Variants in SEPTIN11 observed in about 807,000 individuals in gnomAD.
SEPTIN11 encodes septin 11.
Under a neutral mutation model 51.4 loss-of-function variants are expected in SEPTIN11, and 25 were observed. That is an observed-to-expected ratio of 0.49 (90% CI 0.35 to 0.68). The LOEUF is 0.68. SEPTIN11 is among the 30% of genes least tolerant of loss of function. SEPTIN11 has a pLI of 0.00. For synonymous variants in SEPTIN11, 174 were observed against 184.1 expected, an observed-to-expected ratio of 0.95 and a Z score of 0.44; for missense variants, 381 against 520.8, an observed-to-expected ratio of 0.73 and a Z score of 2.61.
chr4:76,956,094 A>G (rs1721545982), intron 1 of SEPTIN11, among the ~76,000 whole-genome samples: 1 of 152,208 alleles, frequency 6.6e-6, no homozygotes, highest in Non-Finnish European at 1.5e-5. Context: ...CATCTCTTTG[A>G]GTACTGTCTT....
chr4:76,977,330 A>G (rs959119876), intron 1 of SEPTIN11, among the ~76,000 whole-genome samples: 1 of 152,212 alleles, frequency 6.6e-6, no homozygotes, highest in Non-Finnish European at 1.5e-5. Context: ...TGTTGCTGCC[A>G]TGGTGGCTAG....
chr4:77,031,908 G>C, intron 9 of SEPTIN11: 1 of 152,090 alleles, frequency 6.6e-6, no homozygotes, highest in East Asian at 1.9e-4. Flanking sequence ...TTGCTCTTTC[G>C]CCTTACATGC....
chr4:76,985,808 A>G (rs888422075), intron 1 of SEPTIN11, among the ~76,000 whole-genome samples: 7 of 152,182 alleles, frequency 4.6e-5, no homozygotes, highest in Non-Finnish European at 7.3e-5. Flanking sequence ...CTTATCTGAA[A>G]ATGAGAAGGT....
intron 7 of SEPTIN11, chr4:77,021,414 G>T: frequency 6.5e-6 from 1 of 152,832 alleles, no homozygotes; most frequent in Non-Finnish European, 1.5e-5. Flanking sequence ...TGCCAGGCCA[G>T]GTTCACCACC....
intron 1 of SEPTIN11, among the ~76,000 whole-genome samples, chr4:76,977,206 AC>A (rs1722542166): frequency 6.6e-6 from 1 of 150,788 alleles, no homozygotes. Flanking sequence ...TGTTACACTT[AC>A]AAAAATATTA....
Position 77,005,650 on chromosome 4 carries a change from CA to C in SEPTIN11, c.195del (p.Lys65AsnfsTer16). The C allele has an allele frequency of 2.5e-6, 4 of 1,613,942 alleles. No individual in the cohort carries two copies. The highest frequency in any genetic ancestry group is 3.4e-6 in the Non-Finnish European group (4 of 1,179,912). On this transcript the variant is annotated frameshift_variant, in exon 3 of 10. Transcript: ENST00000264893. LOFTEE classifies it high-confidence loss of function. ...STLMDTLFNT[K>X]FESDPATHNE... is the part of the protein sequence containing the mutation. ...CGTTAATGGACACTTTGTTCAACAC[CA>C]AATTTGAAAGTGACCCAGCTACTCA...
intron 1 of SEPTIN11, among the ~76,000 whole-genome samples, chr4:76,957,895 T>A (rs999494729): frequency 6.6e-6 from 1 of 152,188 alleles, no homozygotes; most frequent in Admixed American, 6.5e-5. Context: ...TTTCCTTAAG[T>A]TACCTTTTTT....
chr4:76,960,596 C>G (rs1475713608), intron 1 of SEPTIN11, among the ~76,000 whole-genome samples: 1 of 152,160 alleles, frequency 6.6e-6, no homozygotes, highest in Non-Finnish European at 1.5e-5. Flanking sequence ...GATGAAGACT[C>G]TCATTGACTT....
At chr4:77,001,376 C>T (rs1453628123) in intron 2 of SEPTIN11, among the ~76,000 whole-genome samples, 2 of 149,422 alleles carry the variant, frequency 1.3e-5, no homozygotes, top group Non-Finnish European at 3.0e-5. Flanking sequence ...AAGATGGAGT[C>T]TCTCACTCTG....
At chr4:76,995,800 C>G in intron 1 of SEPTIN11, 1 of 1,529,108 alleles carries the variant, frequency 6.5e-7, no homozygotes, top group South Asian at 1.2e-5. Flanking sequence ...GTAAACTCTG[C>G]AAAACTCCAG....
Position 77,012,870 on chromosome 4 carries a change from C to T in SEPTIN11, c.525+949C>T, listed in dbSNP as rs114135303. 7.4e-3 allele frequency among the ~76,000 whole-genome samples: 1,133 copies of T among 152,316 alleles called. 10 individuals carry two copies. The highest frequency in any genetic ancestry group is 0.026 in the African/African-American group (1,069 of 41,562). Reference sequence around the variant, plus strand: ...ACACAGTAGTTTACAGAAAAATCTTCTAATGGCCTGGAAGGATCACTGCAG... The same window carrying T: ...ACACAGTAGTTTACAGAAAAATCTTTTAATGGCCTGGAAGGATCACTGCAG... On this transcript the variant is annotated intron_variant, in intron 4 of 9. Coordinates refer to ENST00000264893, the MANE Select transcript of SEPTIN11 (RefSeq NM_018243.4).
intron 1 of SEPTIN11, chr4:76,995,917 T>G (rs1723683932): frequency 6.5e-7 from 1 of 1,535,480 alleles, no homozygotes; most frequent in South Asian, 1.2e-5. Context: ...TGCTGAGAAG[T>G]TTTAAATATG....
At chr4:77,019,385 T>G (rs1484033435) in intron 6 of SEPTIN11, 124 bp downstream of exon 6, 8 of 681,486 alleles carry the variant, frequency 1.2e-5, no homozygotes, top group Non-Finnish European at 1.9e-5. Flanking sequence ...GAGGGAGTGG[T>G]GGGGCTCCAC....
chr4:77,023,296 ACACAC>A (rs1725864549), intron 7 of SEPTIN11, among the ~76,000 whole-genome samples: 1 of 136,292 alleles, frequency 7.3e-6, no homozygotes, highest in African/African-American at 2.7e-5. Context: ...ACACACACAC[ACACAC>A]AATATATATA....
At chr4:77,014,344 G>A (rs1004479631) in intron 4 of SEPTIN11, among the ~76,000 whole-genome samples, 4 of 152,166 alleles carry the variant, frequency 2.6e-5, no homozygotes, top group African/African-American at 9.7e-5. Flanking sequence ...ATACTCCACT[G>A]CTCTTACAAA....
At chr4:77,009,169 G>GATTTCATATTTATTTTTTTCATCATTATT (rs1475658124) in intron 3 of SEPTIN11, among the ~76,000 whole-genome samples, 2 of 152,202 alleles carry the variant, frequency 1.3e-5, no homozygotes, top group African/African-American at 4.8e-5. Flanking sequence ...AAGTAGATGG[G>GATTTCATATTTATTTTTTTCATCATTATT]ATTTCATATT....
intron 7 of SEPTIN11, among the ~76,000 whole-genome samples, chr4:77,022,165 G>A (rs1415108547): frequency 1.3e-5 from 2 of 152,182 alleles, no homozygotes; most frequent in East Asian, 1.9e-4. Flanking sequence ...GTGTGGGAAA[G>A]GCCGTCTTCA....
chr4:77,019,117 C>CT, intron 5 of SEPTIN11, 48 bp from the exon 6 acceptor site: 1 of 1,539,188 alleles, frequency 6.5e-7, no homozygotes, highest in Non-Finnish European at 8.9e-7. Flanking sequence ...GGAAACCAGT[C>CT]TGTCAGAGCA....
chr4:77,038,922 C>T (rs1727216481), downstream of SEPTIN11, among the ~76,000 whole-genome samples: 1 of 152,184 alleles, frequency 6.6e-6, no homozygotes, highest in Admixed American at 6.5e-5. Context: ...TTCCCTGCTG[C>T]TGCTCACCCT....
Sources: gnomAD v4.1 joint callset for allele counts (sites outside exome capture counted in the v4.1 genomes callset) on GRCh38, gnomAD v4.1.1 for gene constraint, MANE v1.5 for transcripts, NCBI Gene and HGNC (gene_info 2026-07-23, HGNC 2026-07-21) for gene names.